Variants in RGS6 observed in about 807,000 individuals in gnomAD.
The protein encoded by RGS6 is regulator of G-protein signaling 6.
A neutral mutation model predicts 78.5 loss-of-function variants in RGS6; 30 were observed. That is an observed-to-expected ratio of 0.38 (90% CI 0.29 to 0.52). The LOEUF (loss-of-function observed/expected upper bound fraction) is 0.52. Ranked by LOEUF, RGS6 falls within the 20% of genes least tolerant of loss-of-function variation. The probability of loss-of-function intolerance (pLI) is 0.85; values close to 1 mark genes in which losing one functional copy is unlikely to be tolerated. For synonymous variants in RGS6, 206 were observed against 206.0 expected, an observed-to-expected ratio of 1.00 and a Z score of 0.00; for missense variants, 495 against 609.7, an observed-to-expected ratio of 0.81 and a Z score of 1.98.
chr14:72,022,574 C>T (rs2088900770), intron 2 of RGS6: 1 of 152,186 alleles, frequency 6.6e-6, no homozygotes, highest in South Asian at 2.1e-4. Flanking sequence ...CCTATGGTCA[C>T]TTGCTAATAC....
At chr14:72,185,078 G>A (rs1208286401) in intron 2 of RGS6, among the ~76,000 whole-genome samples, 3 of 152,168 alleles carry the variant, frequency 2.0e-5, no homozygotes, top group African/African-American at 7.2e-5. Flanking sequence ...TCCAAAAGCC[G>A]AAGAACTTGG....
intron 2 of RGS6, among the ~76,000 whole-genome samples, chr14:72,347,644 T>C (rs2078309750): frequency 6.6e-6 from 1 of 152,212 alleles, no homozygotes; most frequent in South Asian, 2.1e-4. Context: ...GAGCAGTGCC[T>C]GGCCCAGAGT....
At chr14:72,344,766 C>G (rs1399412308) in intron 2 of RGS6, among the ~76,000 whole-genome samples, 1 of 152,188 alleles carries the variant, frequency 6.6e-6, no homozygotes, top group Non-Finnish European at 1.5e-5. Context: ...GAGCTTATAA[C>G]AGGATAAGCA....
At chr14:72,182,772 G>A (rs1321708841) in intron 2 of RGS6, among the ~76,000 whole-genome samples, 1 of 152,254 alleles carries the variant, frequency 6.6e-6, no homozygotes, top group African/African-American at 2.4e-5. Flanking sequence ...AAAATCCATT[G>A]TGGGGAAATG....
At chr14:72,047,742 T>A (rs1229427257) in intron 2 of RGS6, among the ~76,000 whole-genome samples, 3 of 152,148 alleles carry the variant, frequency 2.0e-5, no homozygotes, top group African/African-American at 7.2e-5. Flanking sequence ...TTTCTTTTTT[T>A]TTGAGATGGA....
chr14:72,188,954 G>A (rs995578336), intron 2 of RGS6, among the ~76,000 whole-genome samples: 8 of 152,176 alleles, frequency 5.3e-5, no homozygotes, highest in Non-Finnish European at 1.0e-4. Flanking sequence ...CAGAAGGTTT[G>A]GGTCATTATT....
chr14:71,984,914 A>G (rs1289295578), intron 2 of RGS6, among the ~76,000 whole-genome samples: 1 of 152,184 alleles, frequency 6.6e-6, no homozygotes, highest in East Asian at 1.9e-4. Context: ...TATAAAGTAG[A>G]GAAAAAATCT....
At chr14:72,528,566 C>T (rs1409337296) in intron 15 of RGS6, among the ~76,000 whole-genome samples, 3 of 152,092 alleles carry the variant, frequency 2.0e-5, no homozygotes, top group Non-Finnish European at 2.9e-5. Flanking sequence ...GTGGGAGTGA[C>T]CTCTGGTAGT....
intron 9 of RGS6, chr14:72,473,850 C>G (rs1181257676): frequency 6.6e-6 from 1 of 152,220 alleles, no homozygotes; most frequent in African/African-American, 2.4e-5. Flanking sequence ...GCCAACAGCA[C>G]TGTTGCTCAT....
chr14:72,103,823 A>T (rs1043466296), intron 2 of RGS6, among the ~76,000 whole-genome samples: 4 of 152,214 alleles, frequency 2.6e-5, no homozygotes, highest in African/African-American at 9.6e-5. Context: ...AAAGAAAGCC[A>T]TTCAGGCCAG....
chr14:71,934,363 A>G (rs1288898242), intron 1 of RGS6, among the ~76,000 whole-genome samples: 1 of 152,218 alleles, frequency 6.6e-6, no homozygotes, highest in African/African-American at 2.4e-5. Context: ...AGTTCTATAA[A>G]TGTCAGCTGT....
At chr14:72,558,093 C>G (rs2097609290) in intron 17 of RGS6, among the ~76,000 whole-genome samples, 1 of 152,014 alleles carries the variant, frequency 6.6e-6, no homozygotes, top group Non-Finnish European at 1.5e-5. Context: ...GTAACGTATA[C>G]CCCATCACCC....
At chr14:71,893,578 G>C in the RGS6 span, among the ~76,000 whole-genome samples, 1 of 152,166 alleles carries the variant, frequency 6.6e-6, no homozygotes, top group Non-Finnish European at 1.5e-5. Context: ...ATCTGGCATG[G>C]GCTGAAGGTA....
chr14:72,458,153 T>A, intron 4 of RGS6, 118 bp from the exon 5 acceptor site: 1 of 736,134 alleles, frequency 1.4e-6, no homozygotes, highest in Middle Eastern at 2.5e-4. Context: ...CAAGGGCAAT[T>A]GTATCATCAA....
chr14:72,172,315 C>T (rs939803192), intron 2 of RGS6, among the ~76,000 whole-genome samples: 2 of 150,300 alleles, frequency 1.3e-5, no homozygotes, highest in South Asian at 2.1e-4. Flanking sequence ...GGGAGGAAGC[C>T]GGTGTATTTT....
rs996796087 is a variant in RGS6, at chr14:72,534,447, A to G, written c.1279-1739A>G. On this transcript the variant is annotated intron_variant, in intron 15 of 17. Transcript: ENST00000553525. ...CCTTACATAAGTGAAGACAAGTGGT[A>G]TTTTGTCTTTCTGTACCTGACTTAT... Among the ~76,000 whole-genome samples the G allele has an allele frequency of 2.0e-5, 3 of 152,264 alleles. No individual in the cohort carries two copies. The East Asian group carries it at 5.8e-4, about 29-fold the overall frequency.
intron 2 of RGS6, among the ~76,000 whole-genome samples, chr14:72,269,232 CCT>C (rs2059548160): frequency 6.6e-6 from 1 of 152,180 alleles, no homozygotes; most frequent in Admixed American, 6.5e-5. Context: ...CCCTGACTTC[CCT>C]AAAGTTGATG....
At chr14:72,303,570 C>T (rs971615575) in intron 2 of RGS6, among the ~76,000 whole-genome samples, 2 of 152,136 alleles carry the variant, frequency 1.3e-5, no homozygotes, top group Admixed American at 6.5e-5. Flanking sequence ...TTTCTGACTC[C>T]ACTACCTAAT....
intron 7 of RGS6, among the ~76,000 whole-genome samples, chr14:72,468,187 T>G (rs1260430104): frequency 6.6e-6 from 1 of 152,174 alleles, no homozygotes; most frequent in Non-Finnish European, 1.5e-5. Context: ...GAGACCATCC[T>G]GGCTAACATG....
Sources: gnomAD v4.1 joint callset for allele counts (sites outside exome capture counted in the v4.1 genomes callset) on GRCh38, gnomAD v4.1.1 for gene constraint, MANE v1.5 for transcripts, NCBI Gene and HGNC (gene_info 2026-07-23, HGNC 2026-07-21) for gene names.